Variants in BCAS3 observed in about 807,000 individuals in gnomAD.
BCAS3 encodes BCAS3 microtubule associated cell migration factor, also known as BCAS4/BCAS3 fusion.
Under a neutral mutation model 116.1 loss-of-function variants are expected in BCAS3, and 53 were observed. The ratio of observed to expected loss-of-function variants is 0.46; its 90% CI spans 0.37 to 0.57. The LOEUF (loss-of-function observed/expected upper bound fraction) is 0.57, where lower values mean the gene tolerates loss of function less well. Ranked by LOEUF, BCAS3 falls within the 20% of genes least tolerant of loss-of-function variation. BCAS3 has a pLI of 0.00. For missense variants in BCAS3, 917 were observed against 1,165.4 expected, an observed-to-expected ratio of 0.79 and a Z score of 3.10; for synonymous variants, 391 against 408.2, an observed-to-expected ratio of 0.96 and a Z score of 0.51.
chr17:61,063,444 A>G lies in BCAS3; in HGVS notation c.2030-11476A>G, dbSNP rs182939636. ...GCCACCACGCTTGCTAATTTTTTAT[A>G]TTTTTAGTAGAGACGGAGTTTCACC... On this transcript the variant is annotated intron_variant, in intron 19 of 23. Transcript: ENST00000407086. The surrounding 1 kb of genome is among the most constrained non-coding windows in gnomAD (Gnocchi z 5.3). Among the ~76,000 whole-genome samples, 2 of 151,690 alleles carry G rather than the reference A, an allele frequency of 1.3e-5. No individual in the cohort carries two copies. Among genetic ancestry groups the G allele is most frequent in the East Asian group, 1.9e-4 (1 of 5,148 alleles).
chr17:61,316,125 C>T lies in BCAS3; in HGVS notation c.2426-52202C>T, dbSNP rs1403957318. Among the ~76,000 whole-genome samples the T allele has an allele frequency of 2.6e-5, 4 of 151,812 alleles. No individual in the cohort carries two copies. The highest frequency in any genetic ancestry group is 6.6e-5 in the Admixed American group (1 of 15,228). Reference sequence around the variant, plus strand: ...TTCGAAACCAGCCTGGCCAACATGGCGAAACCCCCATCTCTACTAAAAATT... The same window carrying T: ...TTCGAAACCAGCCTGGCCAACATGGTGAAACCCCCATCTCTACTAAAAATT... On this transcript the variant is annotated intron_variant, in intron 22 of 23. Transcript: ENST00000407086. This position sits in a 1 kb window ranked among gnomAD's most constrained non-coding sequence, Gnocchi z 5.8.
chr17:60,731,962 A>G (rs1467901363), intron 5 of BCAS3, among the ~76,000 whole-genome samples: 5 of 151,842 alleles, frequency 3.3e-5, no homozygotes, highest in Non-Finnish European at 7.4e-5. Flanking sequence ...TTTAGTAGAG[A>G]TGGGGTTTCG....
Position 61,355,831 on chromosome 17 carries a change from T to G in BCAS3, c.2426-12496T>G, listed in dbSNP as rs1469901071. 6.6e-6 allele frequency among the ~76,000 whole-genome samples: 1 copy of G among 152,184 alleles called. No individual in the cohort carries two copies. The highest frequency in any genetic ancestry group is 1.5e-5 in the Non-Finnish European group (1 of 68,014). ...TTTGTATGCTTGCTGTCTTGAGAGA[T>G]TCAGTTCCTTGTTTTTCCATTGAAG... On this transcript the variant is annotated intron_variant, in intron 22 of 23. Transcript: ENST00000407086. This position sits in a 1 kb window ranked among gnomAD's most constrained non-coding sequence, Gnocchi z 4.2.
chr17:61,038,592 T>C (rs1254881433), intron 18 of BCAS3, among the ~76,000 whole-genome samples: 1 of 151,786 alleles, frequency 6.6e-6, no homozygotes, highest in African/African-American at 2.4e-5. Context: ...ATATAGTATG[T>C]AATTTCTTAA....
intron 22 of BCAS3, among the ~76,000 whole-genome samples, chr17:61,290,046 G>A (rs1292294636): frequency 6.6e-6 from 1 of 152,170 alleles, no homozygotes; most frequent in Non-Finnish European, 1.5e-5. Context: ...GTGTTTACTT[G>A]GGTTCGTGTG....
Position 61,251,925 on chromosome 17 carries a change from T to G in BCAS3, c.2426-116402T>G, listed in dbSNP as rs556369291. Among the ~76,000 whole-genome samples the G allele has an allele frequency of 7.9e-5, 12 of 152,272 alleles. No homozygotes were observed. The highest frequency in any genetic ancestry group is 2.9e-4 in the African/African-American group (12 of 41,546). On this transcript the variant is annotated intron_variant, in intron 22 of 23. Coordinates refer to ENST00000407086, the MANE Select transcript of BCAS3 (RefSeq NM_017679.5). This position sits in a 1 kb window ranked among gnomAD's most constrained non-coding sequence, Gnocchi z 4.7. ...AAATATGTGAGCCTTCTATCAAGCT[T>G]GATCTCAAGGAACTTTACACGGGTG...
At chr17:60,985,544 T>G (rs1423796117) in intron 14 of BCAS3, among the ~76,000 whole-genome samples, 1 of 152,218 alleles carries the variant, frequency 6.6e-6, no homozygotes, top group Non-Finnish European at 1.5e-5. Flanking sequence ...TTATTTATTC[T>G]ATTTAAAAAT....
At chr17:61,005,951 C>T (rs1392386412) in intron 15 of BCAS3, among the ~76,000 whole-genome samples, 1 of 152,044 alleles carries the variant, frequency 6.6e-6, no homozygotes, top group East Asian at 1.9e-4. Context: ...TCCCCCTTCC[C>T]CCCACTCCAC....
intron 6 of BCAS3, among the ~76,000 whole-genome samples, chr17:60,758,790 A>G (rs1169800443): frequency 6.6e-6 from 1 of 152,208 alleles, no homozygotes; most frequent in African/African-American, 2.4e-5. Flanking sequence ...CTTTAGCTGT[A>G]TCCCATATGG....
At chr17:61,230,563 T>G (rs2082618898) in intron 22 of BCAS3, among the ~76,000 whole-genome samples, 1 of 152,190 alleles carries the variant, frequency 6.6e-6, no homozygotes, top group South Asian at 2.1e-4. Context: ...GTATTTGGTT[T>G]TCTGTCCCTG....
chr17:61,219,902 G>A lies in BCAS3; in HGVS notation c.2425+135338G>A, dbSNP rs1375940605. 6.6e-6 allele frequency among the ~76,000 whole-genome samples: 1 copy of A among 152,166 alleles called. No homozygotes were observed. The highest frequency in any genetic ancestry group is 2.4e-5 in the African/African-American group (1 of 41,436). On this transcript the variant is annotated intron_variant, in intron 22 of 23. Transcript: ENST00000407086. This position sits in a 1 kb window ranked among gnomAD's most constrained non-coding sequence, Gnocchi z 5.2. ...GTTTGGGGTAGGAAAAACAAGGCAG[G>A]TTATGGGGGGAGAGGAGTAGGGCAA...
Position 61,313,720 on chromosome 17 carries a change from G to A in BCAS3, c.2426-54607G>A, listed in dbSNP as rs144853964. 1.8e-3 allele frequency among the ~76,000 whole-genome samples: 276 copies of A among 152,316 alleles called. 1 individual carries two copies. The highest frequency in any genetic ancestry group is 6.1e-3 in the African/African-American group (254 of 41,568). ...GCTCCTCTAGGCTGAGGCAGTTAACGATTAAACAAGAAGCAGCCTTTGGCT... is the reference window on the plus strand; with the variant it reads ...GCTCCTCTAGGCTGAGGCAGTTAACAATTAAACAAGAAGCAGCCTTTGGCT... On this transcript the variant is annotated intron_variant, in intron 22 of 23. Transcript: ENST00000407086. This position sits in a 1 kb window ranked among gnomAD's most constrained non-coding sequence, Gnocchi z 4.3.
chr17:60,869,702 A>G (rs2054927364), intron 8 of BCAS3, among the ~76,000 whole-genome samples: 1 of 152,242 alleles, frequency 6.6e-6, no homozygotes, highest in Non-Finnish European at 1.5e-5. Context: ...TGATTGTCCT[A>G]TGACACATCA....
In BCAS3 at chr17:60,991,610, G is replaced by T. The variant is rs530622202; in HGVS notation, c.1486+1375G>T. On this transcript the variant is annotated intron_variant, in intron 15 of 23. Coordinates refer to ENST00000407086, the MANE Select transcript of BCAS3 (RefSeq NM_017679.5). ...ATATAGAGAGATTGTGGTTACCACAGAAAGTCATTGTTATTTTATTAATTG... is the reference window on the plus strand; with the variant it reads ...ATATAGAGAGATTGTGGTTACCACATAAAGTCATTGTTATTTTATTAATTG... Among the ~76,000 whole-genome samples the T allele has an allele frequency of 3.3e-5, 5 of 152,296 alleles. No individual in the cohort carries two copies. In the South Asian group the frequency reaches 1.0e-3, roughly 32 times the overall value.
intron 22 of BCAS3, among the ~76,000 whole-genome samples, chr17:61,298,558 A>G (rs1413863707): frequency 6.6e-6 from 1 of 152,168 alleles, no homozygotes; most frequent in Non-Finnish European, 1.5e-5. Context: ...GTGTGAGTTG[A>G]TCCTCTAGCT....
chr17:60,881,221 A>T (rs999601919), intron 9 of BCAS3, among the ~76,000 whole-genome samples: 1 of 151,682 alleles, frequency 6.6e-6, no homozygotes, highest in Non-Finnish European at 1.5e-5. Flanking sequence ...TGATCCGCCC[A>T]CCTCGGCCTC....
At chr17:61,096,184 T>C (rs907810047) in intron 22 of BCAS3, among the ~76,000 whole-genome samples, 1 of 152,162 alleles carries the variant, frequency 6.6e-6, no homozygotes, top group Non-Finnish European at 1.5e-5. Flanking sequence ...TAAGCCTTCT[T>C]TAATTTCTCC....
chr17:61,200,557 C>T lies in BCAS3; in HGVS notation c.2425+115993C>T, dbSNP rs1392112119. 6.6e-6 allele frequency among the ~76,000 whole-genome samples: 1 copy of T among 152,312 alleles called. No individual in the cohort carries two copies. Among genetic ancestry groups the T allele is most frequent in the African/African-American group, 2.4e-5 (1 of 41,576 alleles). ...GAATGTTAGCCTCCTGGATCCTGAT[C>T]GTTCAGCCTCCGAAACATTCCTACT... On this transcript the variant is annotated intron_variant, in intron 22 of 23. Transcript: ENST00000407086. The surrounding 1 kb of genome is among the most constrained non-coding windows in gnomAD (Gnocchi z 5.1).
In BCAS3 at chr17:60,995,314, G is replaced by C. The variant is rs2063767941; in HGVS notation, c.1486+5079G>C. Among the ~76,000 whole-genome samples, 1 of 152,098 alleles carries C rather than the reference G, an allele frequency of 6.6e-6. No homozygotes were observed. The highest frequency in any genetic ancestry group is 6.6e-5 in the Admixed American group (1 of 15,258). On this transcript the variant is annotated intron_variant, in intron 15 of 23. Coordinates refer to ENST00000407086, the MANE Select transcript of BCAS3 (RefSeq NM_017679.5). The surrounding 1 kb of genome is among the most constrained non-coding windows in gnomAD (Gnocchi z 4.7). The stretch of plus-strand genomic sequence containing the variant: ...ATTACAGGTGCCCGCCACCATGCCT[G>C]GCTAATTTTTGTATATTTAGTGGAG...
Sources: allele counts gnomAD v4.1 joint callset (sites outside exome capture counted in the v4.1 genomes callset), GRCh38; gene constraint gnomAD v4.1.1; non-coding constraint Gnocchi (gnomAD v3.1); transcripts MANE v1.5; gene names NCBI Gene and HGNC (gene_info 2026-07-23, HGNC 2026-07-21).